Variants in FAM81A observed in about 807,000 individuals in gnomAD.
The protein encoded by FAM81A is family with sequence similarity 81 member A.
A neutral mutation model predicts 46.7 loss-of-function variants in FAM81A; 19 were observed. The observed-to-expected ratio is 0.41, with a 90% CI of 0.28 to 0.60. FAM81A has a LOEUF of 0.60. FAM81A is among the 20% of genes least tolerant of loss of function. FAM81A has a pLI of 0.34. For missense variants in FAM81A, 377 were observed against 453.5 expected (o/e 0.83, Z 1.53); for synonymous variants, 183 against 152.9 (o/e 1.20, Z -1.45).
intron 8 of FAM81A, among the ~76,000 whole-genome samples, chr15:59,518,075 C>G (rs1265512731): frequency 6.6e-6 from 1 of 150,816 alleles, no homozygotes; most frequent in Admixed American, 6.6e-5. Flanking sequence ...AGGGTACAAG[C>G]GATTCTCCTG....
At chr15:59,477,970 A>G (rs1315495430) in intron 3 of FAM81A, among the ~76,000 whole-genome samples, 1 of 152,218 alleles carries the variant, frequency 6.6e-6, no homozygotes, top group Non-Finnish European at 1.5e-5. Flanking sequence ...AGAGGAAGTA[A>G]TATAGTCAAC....
intron 2 of FAM81A, among the ~76,000 whole-genome samples, chr15:59,425,308 C>A (rs1484330981): frequency 1.3e-5 from 2 of 152,184 alleles, no homozygotes; most frequent in Non-Finnish European, 2.9e-5. Context: ...TACCCCAAAT[C>A]ATCGACTTGG....
At chr15:59,469,611 T>G (rs1288285661) in intron 3 of FAM81A, among the ~76,000 whole-genome samples, 4 of 152,112 alleles carry the variant, frequency 2.6e-5, no homozygotes, top group African/African-American at 9.7e-5. Flanking sequence ...GTGTGTGTCT[T>G]TGCACATGAG....
At chr15:59,486,103 C>T (rs2081913970) in intron 3 of FAM81A, among the ~76,000 whole-genome samples, 1 of 152,068 alleles carries the variant, frequency 6.6e-6, no homozygotes, top group South Asian at 2.1e-4. Context: ...CGCTTGAACC[C>T]AGGAGGCAGA....
chr15:59,442,785 G>C (rs1213329851), intron 1 of FAM81A, among the ~76,000 whole-genome samples: 1 of 151,998 alleles, frequency 6.6e-6, no homozygotes, highest in Non-Finnish European at 1.5e-5. Flanking sequence ...CTGTGTGTCT[G>C]TGTATCTGTG....
intron 2 of FAM81A, among the ~76,000 whole-genome samples, chr15:59,421,770 T>C (rs62015025): frequency 6.7e-6 from 1 of 148,172 alleles, no homozygotes; most frequent in Non-Finnish European, 1.5e-5. Context: ...TATCTATCTA[T>C]CTATCTATCT....
Position 59,471,707 on chromosome 15 carries a change from G to A in FAM81A, c.294+11501G>A, listed in dbSNP as rs1191586585. Among the ~76,000 whole-genome samples, 4 of 151,710 alleles carry A rather than the reference G, an allele frequency of 2.6e-5. No homozygotes were observed. In the East Asian group the frequency reaches 5.8e-4, roughly 22 times the overall value. The stretch of plus-strand genomic sequence containing the variant: ...TCTGCCTCTGCCTCCCAAAGTGCTG[G>A]GATTATAGGTATGAGCCACTGTACC... On this transcript the variant is annotated intron_variant, in intron 3 of 8. Transcript: ENST00000288228.
chr15:59,488,431 A>G (rs770945008), intron 3 of FAM81A, among the ~76,000 whole-genome samples: 17 of 150,990 alleles, frequency 1.1e-4, no homozygotes, highest in African/African-American at 2.4e-4. Context: ...GCAATCAGAC[A>G]AAAGAAAGAA....
chr15:59,514,451 TAGTAA>T (rs1465266425), intron 7 of FAM81A, 27 bp downstream of exon 7: 2 of 1,606,156 alleles, frequency 1.2e-6, no homozygotes, highest in East Asian at 4.5e-5. Context: ...AGCAAAAATT[TAGTAA>T]AGTTATTCAG....
At chr15:59,507,184 A>G in intron 4 of FAM81A, 29 bp from the exon 5 acceptor site, 1 of 1,595,236 alleles carries the variant, frequency 6.3e-7, no homozygotes, top group Non-Finnish European at 8.5e-7. Flanking sequence ...AACTTTAATA[A>G]GAATCAGCTT....
At chr15:59,466,988 G>C (rs1435006318) in intron 3 of FAM81A, among the ~76,000 whole-genome samples, 2 of 151,900 alleles carry the variant, frequency 1.3e-5, no homozygotes, top group African/African-American at 4.8e-5. Context: ...TCTTGTTTTT[G>C]TCAGGTTTGT....
At chr15:59,474,729 G>A (rs1252743555) in intron 3 of FAM81A, among the ~76,000 whole-genome samples, 2 of 152,244 alleles carry the variant, frequency 1.3e-5, no homozygotes, top group African/African-American at 4.8e-5. Flanking sequence ...AAGAGACTAT[G>A]AGGTTATCAA....
chr15:59,416,581 T>A (rs1322534130), intron 2 of FAM81A, among the ~76,000 whole-genome samples: 1 of 152,150 alleles, frequency 6.6e-6, no homozygotes, highest in Non-Finnish European at 1.5e-5. Flanking sequence ...GCTGAAGGGA[T>A]GTGGGGTGGG....
At chr15:59,520,802 G>GATCC (rs1332365812) in intron 8 of FAM81A, among the ~76,000 whole-genome samples, 1 of 152,200 alleles carries the variant, frequency 6.6e-6, no homozygotes, top group African/African-American at 2.4e-5. Flanking sequence ...GACCTCAGGT[G>GATCC]ATCCATCCGC....
At chr15:59,431,435 A>C (rs1187317546) in intron 2 of FAM81A, among the ~76,000 whole-genome samples, 2 of 151,080 alleles carry the variant, frequency 1.3e-5, no homozygotes, top group African/African-American at 4.9e-5. Context: ...GGGTTTCACC[A>C]TGTTGGTCAG....
intron 2 of FAM81A, 59 bp downstream of exon 2, chr15:59,458,705 A>G: frequency 6.7e-7 from 1 of 1,494,060 alleles, no homozygotes; most frequent in East Asian, 2.3e-5. Flanking sequence ...ATAGTTACAA[A>G]TCAAAGCTTG....
chr15:59,516,587 A>G, intron 7 of FAM81A, 58 bp from the exon 8 acceptor site: 1 of 1,527,246 alleles, frequency 6.5e-7, no homozygotes, highest in Non-Finnish European at 8.9e-7. Context: ...GGCTGATGTG[A>G]ATGCAATGCA....
intron 4 of FAM81A, among the ~76,000 whole-genome samples, chr15:59,499,646 A>G (rs1274519370): frequency 6.6e-6 from 1 of 151,838 alleles, no homozygotes; most frequent in African/African-American, 2.4e-5. Flanking sequence ...ATTTTGCCTT[A>G]TTTTTTTGAA....
At chr15:59,468,627 C>G (rs2081645230) in intron 3 of FAM81A, among the ~76,000 whole-genome samples, 4 of 149,642 alleles carry the variant, frequency 2.7e-5, no homozygotes, top group South Asian at 4.2e-4. Context: ...TGCTAGCAGT[C>G]TATCAATTTT....
Sources: allele counts gnomAD v4.1 joint callset (sites outside exome capture counted in the v4.1 genomes callset), GRCh38; gene constraint gnomAD v4.1.1; transcripts MANE v1.5; gene names NCBI Gene and HGNC (gene_info 2026-07-23, HGNC 2026-07-21).